Variants in GGT7 observed in about 807,000 individuals in gnomAD.
GGT7 encodes the protein gamma-glutamyltransferase 7.
A neutral mutation model predicts 69.2 loss-of-function variants in GGT7; 30 were observed. That is an observed-to-expected ratio of 0.43 (90% CI 0.32 to 0.59). The LOEUF (loss-of-function observed/expected upper bound fraction) is 0.59, where lower values mean the gene tolerates loss of function less well. Ranked by LOEUF, GGT7 falls within the 20% of genes least tolerant of loss-of-function variation. The probability of loss-of-function intolerance (pLI) is 0.05; values close to 1 mark genes in which losing one functional copy is unlikely to be tolerated. For missense variants in GGT7, 733 were observed against 901.1 expected (o/e 0.81, Z 2.39); for synonymous variants, 388 against 391.8 (o/e 0.99, Z 0.12).
rs750140214 is a variant in GGT7 at position 34,854,506 on chromosome 20, C to T, written c.1319+25G>A. On this transcript the variant is annotated intron_variant, in intron 10 of 14. Transcript: ENST00000336431. ...CCCACACCCACCGCTGCCTCTGTAG[C>T]CCCCAGGTCCTGCCCAAGACCCACC... 9.7e-6 allele frequency: 14 copies of T among 1,438,136 alleles called. No individual in the cohort carries two copies. In the East Asian group the frequency reaches 2.7e-4, roughly 28 times the overall value. The allele number at this position is 1,438,136 out of a possible 1,614,324, so 89.1% of individuals were successfully genotyped here. A position where few individuals can be genotyped will look rare whatever the true frequency, so the allele number is the denominator to read the frequency against.
chr20:34,857,230 T>G (rs1354728280), intron 7 of GGT7, among the ~76,000 whole-genome samples: 1 of 152,236 alleles, frequency 6.6e-6, no homozygotes, highest in Admixed American at 6.5e-5. Context: ...TCTATGCAGC[T>G]GCAGAGTGAC....
chr20:34,849,870 T>C, intron 14 of GGT7, 91 bp downstream of exon 14: 1 of 676,482 alleles, frequency 1.5e-6, no homozygotes. Context: ...CACTGGCAGT[T>C]GGTGCTGGTT....
Position 34,872,690 on chromosome 20 carries a change from C to A in GGT7, c.126G>T (p.Arg42Ser), listed in dbSNP as rs1332672057. Residue 42 changes from arginine to serine, a missense_variant, in exon 1 of 15, where the codon AGG (arginine) becomes AGT (serine). Coordinates refer to ENST00000336431, the MANE Select transcript of GGT7 (RefSeq NM_178026.3). ...EDEPAPAAPL[R>S]GRKDEDAFLG... ...GAAAGGCGTCCTCGTCCTTGCGGCC[C>A]CTCAGCGGGGCCGCGGGCGCCGGCT... The A allele has an allele frequency of 1.3e-6, 2 of 1,482,784 alleles. No individual in the cohort carries two copies. The highest frequency in any genetic ancestry group is 2.8e-5 in the East Asian group (1 of 35,958). The allele number at this position is 1,482,784 out of a possible 1,614,324, so 91.9% of individuals were successfully genotyped here.
chr20:34,860,637 C>CTTTTTTTTT (rs533561120), intron 4 of GGT7, among the ~76,000 whole-genome samples: 13 of 113,872 alleles, frequency 1.1e-4, no homozygotes, highest in Non-Finnish European at 1.1e-4. Flanking sequence ...CAACCCCTGC[C>CTTTTTTTTT]TTTTTTTTTT....
At chr20:34,848,989 G>T (rs745470537) in intron 14 of GGT7, among the ~76,000 whole-genome samples, 2 of 151,976 alleles carry the variant, frequency 1.3e-5, no homozygotes, top group Non-Finnish European at 2.9e-5. Flanking sequence ...TCACCCTAAG[G>T]TCCACGATCC....
chr20:34,860,849 C>T (rs1370159328), intron 4 of GGT7, among the ~76,000 whole-genome samples: 2 of 152,114 alleles, frequency 1.3e-5, no homozygotes, highest in Non-Finnish European at 2.9e-5. Context: ...AAGCAATCCT[C>T]CTGCCTTGGC....
In GGT7 at chr20:34,863,594, C is replaced by A; in HGVS notation, c.170-46G>T. Reference sequence around the variant, plus strand: ...TCGGTCTGGGCATCTCCTATCTGGCCCTGCCCACCCTCCAGGTGGGACTAT... The same window carrying A: ...TCGGTCTGGGCATCTCCTATCTGGCACTGCCCACCCTCCAGGTGGGACTAT... On this transcript the variant is annotated intron_variant, in intron 1 of 14. Transcript: ENST00000336431. The surrounding 1 kb of genome is among the most constrained non-coding windows in gnomAD (Gnocchi z 4.4). The A allele has an allele frequency of 7.9e-7, 1 of 1,270,110 alleles. No individual in the cohort carries two copies. The highest frequency in any genetic ancestry group is 1.1e-6 in the Non-Finnish European group (1 of 891,820). The allele number at this position is 1,270,110 out of a possible 1,614,324, so 78.7% of individuals were successfully genotyped here. A position where few individuals can be genotyped will look rare whatever the true frequency, so the allele number is the denominator to read the frequency against.
In GGT7 at chr20:34,861,453, C is replaced by T; in HGVS notation, c.667G>A (p.Glu223Lys). ...CTCACCAGGGTCCCCACCTTGGTCT[C>T]CCAGGATCTTTGCAGGGTCTCTTCC... ...LREETLQRSW[E>K]TKPGLLVGVP... The change falls in exon 4 of 15, where the codon GAG becomes AAG. Residue 223 changes from glutamate (E) to lysine (K), a missense_variant. Coordinates refer to ENST00000336431, the MANE Select transcript of GGT7 (RefSeq NM_178026.3). 1 of 1,550,622 alleles carries T rather than the reference C, an allele frequency of 6.4e-7. No individual in the cohort carries two copies. Among genetic ancestry groups the T allele is most frequent in the South Asian group, 1.2e-5 (1 of 84,706 alleles).
chr20:34,851,598 A>G (rs1029887785), intron 12 of GGT7, among the ~76,000 whole-genome samples: 1 of 152,156 alleles, frequency 6.6e-6, no homozygotes. Context: ...CTGAGCTATG[A>G]GGCTGCTACG....
chr20:34,859,901 CA>C, intron 6 of GGT7, 67 bp downstream of exon 6: 1 of 1,181,386 alleles, frequency 8.5e-7, no homozygotes, highest in South Asian at 1.3e-5. Flanking sequence ...GCTTGGGCTC[CA>C]AATCTCAAAG....
rs10527077 is a variant in GGT7, at chr20:34,853,340, G to GGTGTGT, written c.1320-808_1320-803dup. Among the ~76,000 whole-genome samples the GGTGTGT allele has an allele frequency of 5.6e-3, 829 of 147,406 alleles. 7 individuals are homozygous for GGTGTGT. Among genetic ancestry groups the GGTGTGT allele is most frequent in the East Asian group, 0.017 (82 of 4,928 alleles). On this transcript the variant is annotated intron_variant, in intron 10 of 14. Coordinates refer to ENST00000336431, the MANE Select transcript of GGT7 (RefSeq NM_178026.3). ...GAACTGGTTGAATAGATTTCATATA[G>GGTGTGT]GTGTGTGTGTGTGTGTGTGTGTGTG...
At chr20:34,860,063 G>A (rs1398935894) in intron 5 of GGT7, 21 bp from the exon 6 acceptor site, 3 of 1,412,442 alleles carry the variant, frequency 2.1e-6, no homozygotes, top group Non-Finnish European at 2.9e-6. Flanking sequence ...CGGAGAGCAG[G>A]GGGTGGAGGA....
intron 10 of GGT7, among the ~76,000 whole-genome samples, chr20:34,852,975 A>C (rs1447557357): frequency 6.6e-6 from 1 of 151,792 alleles, no homozygotes; most frequent in Non-Finnish European, 1.5e-5. Flanking sequence ...AATGAGATAG[A>C]GTTTTTCTCT....
At chr20:34,862,188 T>C (rs1483347264) in intron 3 of GGT7, among the ~76,000 whole-genome samples, 7 of 152,200 alleles carry the variant, frequency 4.6e-5, no homozygotes, top group East Asian at 1.9e-4. Flanking sequence ...ATGCCCATCA[T>C]GGGAAGCAGC....
intron 1 of GGT7, among the ~76,000 whole-genome samples, chr20:34,871,448 T>G (rs1161175210): frequency 1.3e-5 from 2 of 152,164 alleles, no homozygotes; most frequent in Non-Finnish European, 2.9e-5. Context: ...CCCTGCTACC[T>G]CCTGATTCCA....
In GGT7 at chr20:34,851,305, C is replaced by T. The variant is rs200653688; in HGVS notation, c.1651G>A (p.Ala551Thr). Residue 551 changes from alanine (A) to threonine (T), a missense_variant, in exon 13 of 15, where the codon GCG becomes ACG. Ala to Thr is a moderately conservative substitution (Grantham distance 58, BLOSUM62 0). Transcript: ENST00000336431. Reference sequence around the variant, plus strand: ...AGGTAGGTTCCACAGAGCCCCTCCGCGGGTCGGACCACTGTGGGCAGCAGG... The same window carrying T: ...AGGTAGGTTCCACAGAGCCCCTCCGTGGGTCGGACCACTGTGGGCAGCAGG... Reference protein sequence around the residue: ...SFLLPTVVRPAEGLCGTYLAL... With the variant: ...SFLLPTVVRPTEGLCGTYLAL... 2.2e-5 allele frequency: 35 copies of T among 1,613,994 alleles called. No homozygotes were observed. In the East Asian group the frequency reaches 5.1e-4, roughly 24 times the overall value.
chr20:34,858,291 A>G (rs954461251), intron 7 of GGT7, among the ~76,000 whole-genome samples: 4 of 152,192 alleles, frequency 2.6e-5, no homozygotes, highest in Non-Finnish European at 5.9e-5. Context: ...GTTGAGAGAG[A>G]GAGAAAGAGA....
At chr20:34,867,063 CTTGTTGTTGTTG>C (rs372987226) in intron 1 of GGT7, among the ~76,000 whole-genome samples, 6 of 151,814 alleles carry the variant, frequency 4.0e-5, no homozygotes, top group African/African-American at 1.5e-4. Context: ...CTAGAAATGT[CTTGTTGTTGTTG>C]TTGTTGTTGT....
rs1179122747 is a variant in GGT7 at position 34,854,777 on chromosome 20, G to A, written c.1230+19C>T. 2 of 1,613,802 alleles carry A rather than the reference G, an allele frequency of 1.2e-6. No homozygotes were observed. The highest frequency in any genetic ancestry group is 1.7e-6 in the Non-Finnish European group (2 of 1,179,932). On this transcript the variant is annotated intron_variant, in intron 9 of 14. Transcript: ENST00000336431. ...CTAATATCCTTAAATCCAGGGAAAG[G>A]CAGACGGGTCAGCCTTACCTCTGCC...
Sources: allele counts gnomAD v4.1 joint callset (sites outside exome capture counted in the v4.1 genomes callset), GRCh38; gene constraint gnomAD v4.1.1; non-coding constraint Gnocchi (gnomAD v3.1); transcripts MANE v1.5; gene names NCBI Gene and HGNC (gene_info 2026-07-23, HGNC 2026-07-21).